Variants in FOXJ3 observed in about 807,000 individuals in gnomAD.
FOXJ3 encodes the protein forkhead box protein J3.
Under a neutral mutation model 76.1 loss-of-function variants are expected in FOXJ3, and 22 were observed. The observed-to-expected ratio is 0.29, with a 90% confidence interval of 0.21 to 0.41. The LOEUF is 0.41. FOXJ3 is among the 10% of genes least tolerant of loss of function. The pLI is 1.00. For synonymous variants in FOXJ3, 269 were observed against 261.2 expected (o/e 1.03, Z -0.29); for missense variants, 613 against 762.1 (o/e 0.80, Z 2.30).
chr1:42,265,877 G>A (rs1404463947), intron 3 of FOXJ3, among the ~76,000 whole-genome samples: 1 of 152,166 alleles, frequency 6.6e-6, no homozygotes, highest in Non-Finnish European at 1.5e-5. Flanking sequence ...CACCCAAGGT[G>A]GGTAGCAGGA....
intron 4 of FOXJ3, among the ~76,000 whole-genome samples, chr1:42,237,411 T>TATATATATATACATACATACATAC (rs1557663247): frequency 1.0e-3 from 27 of 25,720 alleles, no homozygotes; most frequent in Admixed American, 4.8e-3. Flanking sequence ...CATACATATA[T>TATATATATATACATACATACATAC]ATATATATAT....
intron 7 of FOXJ3, among the ~76,000 whole-genome samples, chr1:42,195,592 A>G (rs1189629267): frequency 6.6e-6 from 1 of 152,260 alleles, no homozygotes; most frequent in Non-Finnish European, 1.5e-5. Context: ...ACTTATCTTT[A>G]AAAGCAGGAA....
At chr1:42,331,273 T>G (rs1343100526) in intron 1 of FOXJ3, among the ~76,000 whole-genome samples, 1 of 151,914 alleles carries the variant, frequency 6.6e-6, no homozygotes, top group Non-Finnish European at 1.5e-5. Flanking sequence ...TCCCAGCTAC[T>G]GTGGAGGGTG....
chr1:42,199,641 T>G (rs1646720346), intron 6 of FOXJ3, among the ~76,000 whole-genome samples: 2 of 152,040 alleles, frequency 1.3e-5, no homozygotes, highest in Admixed American at 1.3e-4. Flanking sequence ...AAAAGATTTT[T>G]TTTTTAAAAT....
At chr1:42,334,018 A>G (rs1656313155) in intron 1 of FOXJ3, 2 of 245,922 alleles carry the variant, frequency 8.1e-6, no homozygotes, top group Non-Finnish European at 1.3e-5. Context: ...GAATGGCTCT[A>G]ACTCATTCAG....
At chr1:42,234,387 T>C (rs1326755916) in intron 4 of FOXJ3, among the ~76,000 whole-genome samples, 1 of 152,302 alleles carries the variant, frequency 6.6e-6, no homozygotes, top group East Asian at 1.9e-4. Context: ...TCTGAAGCCT[T>C]CTTCTCTCAG....
At chr1:42,236,845 C>T (rs1286388997) in intron 4 of FOXJ3, among the ~76,000 whole-genome samples, 1 of 152,188 alleles carries the variant, frequency 6.6e-6, no homozygotes, top group Non-Finnish European at 1.5e-5. Flanking sequence ...CAATTATACC[C>T]TCTCTACTGA....
rs539111048 is a variant in FOXJ3, at chr1:42,296,200, G to A, written c.44+14850C>T. Among the ~76,000 whole-genome samples, 39 of 152,040 alleles carry A rather than the reference G, an allele frequency of 2.6e-4. No individual in the cohort carries two copies. In the South Asian group the frequency reaches 4.6e-3, roughly 18 times the overall value. On this transcript the variant is annotated intron_variant, in intron 2 of 12. Transcript: ENST00000361346. ...TTTTAAAAGAAGCTGTTTTTTCCCC[G>A]TTATTAGAGTTCCGTGTAGATTCTG...
At chr1:42,295,825 C>T (rs1469843595) in intron 2 of FOXJ3, among the ~76,000 whole-genome samples, 1 of 152,144 alleles carries the variant, frequency 6.6e-6, no homozygotes, top group Non-Finnish European at 1.5e-5. Flanking sequence ...CCGCACCTGT[C>T]CAGGTGTCTT....
intron 4 of FOXJ3, among the ~76,000 whole-genome samples, chr1:42,238,526 C>G (rs2124511770): frequency 6.6e-6 from 1 of 152,174 alleles, no homozygotes; most frequent in East Asian, 1.9e-4. Context: ...AATAAGAGGA[C>G]CAGCACGCCA....
chr1:42,258,327 C>T (rs1280804788), intron 4 of FOXJ3, among the ~76,000 whole-genome samples: 1 of 152,222 alleles, frequency 6.6e-6, no homozygotes, highest in Admixed American at 6.5e-5. Flanking sequence ...TCAGGCACAG[C>T]ATTTGCATGC....
chr1:42,291,075 T>TAGACAGACAGACAGACAGAC (rs202052653), intron 2 of FOXJ3, among the ~76,000 whole-genome samples: 101 of 117,956 alleles, frequency 8.6e-4, no homozygotes, highest in Admixed American at 1.5e-3. Flanking sequence ...GATAGATAGA[T>TAGACAGACAGACAGACAGAC]AGATAGATAG....
At chr1:42,284,034 C>T (rs1553166633) in intron 2 of FOXJ3, among the ~76,000 whole-genome samples, 1 of 152,090 alleles carries the variant, frequency 6.6e-6, no homozygotes. Context: ...AAGTCTGGGT[C>T]CCTGATTTTT....
At chr1:42,239,838 T>C (rs983129717) in intron 4 of FOXJ3, among the ~76,000 whole-genome samples, 2 of 152,186 alleles carry the variant, frequency 1.3e-5, no homozygotes, top group African/African-American at 4.8e-5. Flanking sequence ...AACCAACTAT[T>C]TCATTTTTTT....
intron 1 of FOXJ3, among the ~76,000 whole-genome samples, chr1:42,318,625 G>GT (rs1458193595): frequency 5.9e-5 from 9 of 152,132 alleles, no homozygotes; most frequent in Non-Finnish European, 1.3e-4. Flanking sequence ...GATTACAGGC[G>GT]TGAGCCACTG....
intron 1 of FOXJ3, among the ~76,000 whole-genome samples, chr1:42,316,745 T>G (rs895877318): frequency 6.6e-6 from 1 of 152,148 alleles, no homozygotes; most frequent in Non-Finnish European, 1.5e-5. Flanking sequence ...AGGTAAGAAT[T>G]AAAAATTTGT....
At chr1:42,267,661 A>G (rs1162746603) in intron 3 of FOXJ3, among the ~76,000 whole-genome samples, 1 of 152,100 alleles carries the variant, frequency 6.6e-6, no homozygotes, top group Non-Finnish European at 1.5e-5. Context: ...TAGAACTATC[A>G]GAAAAAAAAA....
chr1:42,234,794 G>A (rs1165529087), intron 4 of FOXJ3, among the ~76,000 whole-genome samples: 1 of 152,150 alleles, frequency 6.6e-6, no homozygotes, highest in Non-Finnish European at 1.5e-5. Context: ...CGTGTGAGGT[G>A]TCAGTGTGCT....
intron 4 of FOXJ3, among the ~76,000 whole-genome samples, chr1:42,248,730 CTTTTTTT>C (rs4019587): frequency 3.4e-4 from 31 of 92,236 alleles, no homozygotes; most frequent in Non-Finnish European, 4.6e-4. Flanking sequence ...CCTGTTTTTT[CTTTTTTT>C]TTTTTTTTTT....
Sources: gnomAD v4.1 joint callset for allele counts (sites outside exome capture counted in the v4.1 genomes callset) on GRCh38, gnomAD v4.1.1 for gene constraint, MANE v1.5 for transcripts, NCBI Gene and HGNC (gene_info 2026-07-23, HGNC 2026-07-21) for gene names.